Variants in MCTP1 observed in about 807,000 individuals in gnomAD.
MCTP1 encodes the protein multiple C2 and transmembrane domain containing 1, also known as multiple C2 and transmembrane domain-containing protein 1.
In MCTP1, 69 loss-of-function variants were observed where a neutral mutation model predicts 120.6. The ratio of observed to expected loss-of-function variants is 0.57; its 90% CI spans 0.47 to 0.70. The LOEUF (loss-of-function observed/expected upper bound fraction) is 0.70, where lower values mean the gene tolerates loss of function less well. MCTP1 is among the 30% of genes least tolerant of loss of function. MCTP1 has a pLI of 0.00. For synonymous variants in MCTP1, 529 were observed against 493.1 expected, an observed-to-expected ratio of 1.07 and a Z score of -0.96; for missense variants, 1,203 against 1,248.8, an observed-to-expected ratio of 0.96 and a Z score of 0.55.
In MCTP1 at chr5:95,285,081, A is replaced by G. The variant is rs1760638281; in HGVS notation, c.-506T>C. ...AATTGGGCGCGCACGCGGCTCACAC[A>G]ACAAGGCGCGTCTGGCTGGAGACTC... On this transcript the variant is annotated 5_prime_UTR_variant, in exon 1 of 23. Coordinates refer to ENST00000515393, the MANE Select transcript of MCTP1 (RefSeq NM_024717.7). Among the ~76,000 whole-genome samples, 2 of 152,050 alleles carry G rather than the reference A, an allele frequency of 1.3e-5. No homozygotes were observed. Among genetic ancestry groups the G allele is most frequent in the Admixed American group, 6.5e-5 (1 of 15,278 alleles).
At chr5:95,192,866 C>G (rs922518546) in intron 1 of MCTP1, among the ~76,000 whole-genome samples, 1 of 151,976 alleles carries the variant, frequency 6.6e-6, no homozygotes, top group African/African-American at 2.4e-5. Flanking sequence ...TCCATATCAG[C>G]AGGAACATTT....
chr5:94,955,481 T>C (rs1822356829), intron 2 of MCTP1, among the ~76,000 whole-genome samples: 1 of 152,164 alleles, frequency 6.6e-6, no homozygotes, highest in Admixed American at 6.5e-5. Flanking sequence ...CAGTGGATCC[T>C]ACCCCCATGG....
intron 10 of MCTP1, among the ~76,000 whole-genome samples, chr5:94,896,370 T>C (rs1803992613): frequency 6.6e-6 from 1 of 152,208 alleles, no homozygotes; most frequent in South Asian, 2.1e-4. Context: ...ACAATATTTT[T>C]GGTTGGGTAC....
At chr5:95,208,728 GAA>G (rs35256756) in intron 1 of MCTP1, among the ~76,000 whole-genome samples, 12 of 126,962 alleles carry the variant, frequency 9.5e-5, no homozygotes, top group African/African-American at 9.1e-5. Context: ...AACCCTTTCA[GAA>G]AAAAAAAAAA....
chr5:95,254,275 C>T (rs542103534), intron 1 of MCTP1, among the ~76,000 whole-genome samples: 36 of 152,276 alleles, frequency 2.4e-4, no homozygotes, highest in East Asian at 3.9e-4. Context: ...GGGCTCCCTA[C>T]GTACCAACCA....
intron 2 of MCTP1, among the ~76,000 whole-genome samples, chr5:94,958,991 C>G (rs1185009720): frequency 6.6e-6 from 1 of 152,164 alleles, no homozygotes; most frequent in African/African-American, 2.4e-5. Context: ...AGGCCAATCT[C>G]CCTGATGAAC....
chr5:95,096,747 A>G (rs561729518), intron 1 of MCTP1, among the ~76,000 whole-genome samples: 4 of 152,132 alleles, frequency 2.6e-5, no homozygotes, highest in Non-Finnish European at 5.9e-5. Context: ...AAGGCCTGAA[A>G]TGCCTTTTAT....
intron 1 of MCTP1, chr5:95,024,131 T>C: frequency 2.3e-6 from 1 of 436,648 alleles, no homozygotes. Flanking sequence ...TTTTTGCTTT[T>C]GTTGCCTCTG....
chr5:94,907,747 C>T (rs1434204717), intron 10 of MCTP1, among the ~76,000 whole-genome samples: 1 of 149,652 alleles, frequency 6.7e-6, no homozygotes, highest in Admixed American at 6.7e-5. Flanking sequence ...AAAATTCTTA[C>T]CAAAGGAAAA....
At chr5:95,172,081 G>A (rs1212828743) in intron 1 of MCTP1, among the ~76,000 whole-genome samples, 1 of 152,122 alleles carries the variant, frequency 6.6e-6, no homozygotes, top group Non-Finnish European at 1.5e-5. Context: ...GTACAGATGG[G>A]GTTTTGGTGT....
intron 17 of MCTP1, chr5:94,826,782 T>A (rs1787197125): frequency 4.4e-6 from 1 of 226,358 alleles, no homozygotes; most frequent in Non-Finnish European, 8.3e-6. Flanking sequence ...CTTTTTTTTT[T>A]TTTTTTTTTT....
At chr5:95,283,718 C>T (rs1760504266) in intron 1 of MCTP1, 138 bp downstream of exon 1, 1 of 575,460 alleles carries the variant, frequency 1.7e-6, no homozygotes, top group East Asian at 3.5e-5. Context: ...TTTCTTTCGA[C>T]TGTTTCATCT....
intron 1 of MCTP1, among the ~76,000 whole-genome samples, chr5:95,139,014 G>C (rs1029378519): frequency 6.6e-6 from 1 of 152,006 alleles, no homozygotes; most frequent in Admixed American, 6.5e-5. Context: ...CTTAAAATTA[G>C]AGTTTATATG....
At chr5:95,060,514 TA>T (rs1748673699) in intron 1 of MCTP1, among the ~76,000 whole-genome samples, 1 of 152,166 alleles carries the variant, frequency 6.6e-6, no homozygotes, top group African/African-American at 2.4e-5. Context: ...AAAGTTTTTT[TA>T]AAAAAGGCCA....
Position 95,284,722 on chromosome 5 carries a change from T to A in MCTP1, c.-147A>T. The A allele has an allele frequency of 1.8e-6, 1 of 556,896 alleles. No individual in the cohort carries two copies. Among genetic ancestry groups the A allele is most frequent in the Non-Finnish European group, 2.8e-6 (1 of 354,776 alleles). 34.5% of individuals were successfully genotyped at this position (556,896 alleles called of 1,614,324 possible). ...CGGGCGCAGCAGCAGAAACCGGGAG[T>A]GCCCAGCGACTTCAGGCCAGCTCGG... On this transcript the variant is annotated 5_prime_UTR_variant, in exon 1 of 23. Transcript: ENST00000515393. This position sits in a 1 kb window ranked among gnomAD's most constrained non-coding sequence, Gnocchi z 5.2.
At chr5:94,716,507 T>A (rs891266162) in intron 19 of MCTP1, among the ~76,000 whole-genome samples, 1 of 152,194 alleles carries the variant, frequency 6.6e-6, no homozygotes, top group Non-Finnish European at 1.5e-5. Context: ...CTGCCCCAAC[T>A]GTGTGTCCCT....
At chr5:95,081,639 T>G in intron 1 of MCTP1, 3 of 1,330,860 alleles carry the variant, frequency 2.3e-6, no homozygotes, top group Non-Finnish European at 2.9e-6. Context: ...CAGCAGCGAC[T>G]TGGAATGAAA....
At chr5:94,891,476 C>A (rs563547197) in intron 11 of MCTP1, among the ~76,000 whole-genome samples, 1 of 152,222 alleles carries the variant, frequency 6.6e-6, no homozygotes, top group East Asian at 1.9e-4. Context: ...AAAAAGGTTT[C>A]CGTGCTTTAA....
At chr5:94,917,710 A>G (rs1810441551) in intron 8 of MCTP1, among the ~76,000 whole-genome samples, 186 bp downstream of exon 8, 1 of 152,228 alleles carries the variant, frequency 6.6e-6, no homozygotes, top group Non-Finnish European at 1.5e-5. Context: ...AGAACAAATG[A>G]GCTGGCAATG....
Sources: gnomAD v4.1 joint callset for allele counts (sites outside exome capture counted in the v4.1 genomes callset) on GRCh38, gnomAD v4.1.1 for gene constraint, Gnocchi (gnomAD v3.1) non-coding constraint, MANE v1.5 for transcripts, NCBI Gene and HGNC (gene_info 2026-07-23, HGNC 2026-07-21) for gene names.